Variants in PRKN observed in about 807,000 individuals in gnomAD.
PRKN encodes parkin RBR E3 ubiquitin protein ligase.
In PRKN, 56 loss-of-function variants were observed where a neutral mutation model predicts 59.5. That is an observed-to-expected ratio of 0.94 (90% CI 0.76 to 1.18). The LOEUF (loss-of-function observed/expected upper bound fraction) is 1.18, where lower values mean the gene tolerates loss of function less well. PRKN is among the 50% of genes most tolerant of loss of function. The pLI, the probability that PRKN is intolerant of heterozygous loss-of-function variation, is 0.00. For missense variants in PRKN, 657 were observed against 596.4 expected, an observed-to-expected ratio of 1.10 and a Z score of -1.06; for synonymous variants, 250 against 222.1, an observed-to-expected ratio of 1.13 and a Z score of -1.12.
chr6:161,432,532 AT>A (rs767620173), intron 9 of PRKN, among the ~76,000 whole-genome samples: 1,838 of 125,476 alleles, frequency 0.015, 29 homozygotes, highest in African/African-American at 0.048. Context: ...TGCCCAGCTA[AT>A]TTTTTTTTTT....
At chr6:162,302,021 C>T (rs1781983532) in intron 2 of PRKN, among the ~76,000 whole-genome samples, 1 of 152,134 alleles carries the variant, frequency 6.6e-6, no homozygotes, top group African/African-American at 2.4e-5. Context: ...TTTCTTTTCT[C>T]GTGTCCTTGC....
At chr6:161,776,736 G>A (rs1789941306) in intron 7 of PRKN, among the ~76,000 whole-genome samples, 1 of 152,158 alleles carries the variant, frequency 6.6e-6, no homozygotes, top group African/African-American at 2.4e-5. Flanking sequence ...CCACAGCCTA[G>A]GGAGAGGCAG....
chr6:162,182,444 G>T (rs747699218), intron 4 of PRKN, among the ~76,000 whole-genome samples: 1 of 152,194 alleles, frequency 6.6e-6, no homozygotes, highest in East Asian at 1.9e-4. Context: ...GCTGAAGCCT[G>T]TCTATGGAAC....
intron 6 of PRKN, among the ~76,000 whole-genome samples, chr6:161,839,229 C>A (rs1400274203): frequency 6.6e-6 from 1 of 152,020 alleles, no homozygotes; most frequent in Non-Finnish European, 1.5e-5. Context: ...GAGAAAGGTG[C>A]CCCTGAGGGA....
chr6:161,511,192 C>A (rs531254967), intron 9 of PRKN, among the ~76,000 whole-genome samples: 50 of 152,056 alleles, frequency 3.3e-4, no homozygotes, highest in African/African-American at 1.2e-3. Flanking sequence ...AAAACAATCA[C>A]CTGAAGAGAT....
intron 7 of PRKN, among the ~76,000 whole-genome samples, chr6:161,760,278 C>T (rs150386694): frequency 6.7e-6 from 1 of 149,508 alleles, no homozygotes; most frequent in Admixed American, 6.7e-5. Context: ...AACTGCCCAC[C>T]ACAGCCACAG....
At chr6:161,688,354 AG>A (rs1785646176) in intron 7 of PRKN, among the ~76,000 whole-genome samples, 1 of 152,182 alleles carries the variant, frequency 6.6e-6, no homozygotes. Flanking sequence ...ACAGGACCAA[AG>A]GGAGTATTCT....
chr6:162,587,892 G>A (rs1049480369), intron 1 of PRKN, among the ~76,000 whole-genome samples: 1 of 151,942 alleles, frequency 6.6e-6, no homozygotes, highest in Non-Finnish European at 1.5e-5. Context: ...ATGTTGCAAG[G>A]AGATTATACA....
intron 2 of PRKN, among the ~76,000 whole-genome samples, chr6:162,429,202 GCTCCCTGATGCCC>G (rs1789389329): frequency 1.3e-5 from 2 of 152,106 alleles, no homozygotes; most frequent in Non-Finnish European, 2.9e-5. Context: ...CTGGCTGGGG[GCTCCCTGATGCCC>G]TCAGCAACCC....
intron 1 of PRKN, among the ~76,000 whole-genome samples, chr6:162,469,165 A>C (rs1791583240): frequency 6.6e-6 from 1 of 152,112 alleles, no homozygotes; most frequent in African/African-American, 2.4e-5. Context: ...ACAAGGAAGT[A>C]ATCAGCCTGT....
chr6:162,491,160 C>T (rs1274952281), intron 1 of PRKN, among the ~76,000 whole-genome samples: 2 of 149,750 alleles, frequency 1.3e-5, no homozygotes, highest in African/African-American at 4.9e-5. Flanking sequence ...GTCCCAGCTG[C>T]TAGGGAGGCT....
rs1049399464 is a variant in PRKN, at chr6:162,360,461, G to C, written c.171+82849C>G. On this transcript the variant is annotated intron_variant, in intron 2 of 11. Coordinates refer to ENST00000366898, the MANE Select transcript of PRKN (RefSeq NM_004562.3). ...AGAAAGGCTTTCCTTTCAAAAGAAT[G>C]GTAACCTTTATGTAGTTGTTTTTAG... Among the ~76,000 whole-genome samples the C allele has an allele frequency of 5.9e-5, 9 of 151,968 alleles. 1 individual carries two copies. The highest frequency in any genetic ancestry group is 5.9e-4 in the Admixed American group (9 of 15,234).
chr6:162,024,331 G>A (rs1000977851), intron 5 of PRKN, among the ~76,000 whole-genome samples: 1 of 151,504 alleles, frequency 6.6e-6, no homozygotes, highest in Non-Finnish European at 1.5e-5. Flanking sequence ...CAGGTAGCTG[G>A]GGGTAATTGC....
At chr6:162,621,687 TTG>T (rs1230820890) in intron 1 of PRKN, among the ~76,000 whole-genome samples, 1 of 152,204 alleles carries the variant, frequency 6.6e-6, no homozygotes, top group African/African-American at 2.4e-5. Context: ...CTGCCTTTCA[TTG>T]TCTTATTATT....
chr6:162,544,270 T>C (rs899698573), intron 1 of PRKN, among the ~76,000 whole-genome samples: 1 of 152,094 alleles, frequency 6.6e-6, no homozygotes, highest in South Asian at 2.1e-4. Context: ...GTAACATCAC[T>C]GCACTGAGTC....
chr6:161,747,401 T>A (rs974266942), intron 7 of PRKN, among the ~76,000 whole-genome samples: 1 of 151,966 alleles, frequency 6.6e-6, no homozygotes, highest in Non-Finnish European at 1.5e-5. Context: ...GTTTCTCTTT[T>A]TTTTTTTTCT....
intron 7 of PRKN, among the ~76,000 whole-genome samples, chr6:161,605,929 T>C (rs1055628540): frequency 6.6e-6 from 1 of 152,104 alleles, no homozygotes. Context: ...TACAGCAAGA[T>C]GCGGACATGT....
At chr6:162,240,525 G>A (rs1778941888) in intron 3 of PRKN, among the ~76,000 whole-genome samples, 1 of 152,100 alleles carries the variant, frequency 6.6e-6, no homozygotes. Context: ...TGAAAAATTA[G>A]GCTAGCAAAT....
intron 5 of PRKN, among the ~76,000 whole-genome samples, chr6:162,001,848 T>A (rs1254766776): frequency 4.6e-5 from 1 of 21,746 alleles, no homozygotes; most frequent in Non-Finnish European, 7.4e-5. Flanking sequence ...TGCAAATAGC[T>A]TTTTTTTTTT....
Sources: gnomAD v4.1 joint callset for allele counts (sites outside exome capture counted in the v4.1 genomes callset) on GRCh38, gnomAD v4.1.1 for gene constraint, MANE v1.5 for transcripts, NCBI Gene and HGNC (gene_info 2026-07-23, HGNC 2026-07-21) for gene names.